PRKCB: variants seen among roughly 807,000 people sequenced by gnomAD.
The protein encoded by PRKCB is protein kinase C beta.
Under a neutral mutation model 81.5 loss-of-function variants are expected in PRKCB, and 13 were observed. The ratio of observed to expected loss-of-function variants is 0.16; its 90% CI spans 0.10 to 0.25. PRKCB has a LOEUF of 0.25. Ranked by LOEUF, PRKCB falls within the 10% of genes least tolerant of loss-of-function variation. The pLI, the probability that PRKCB is intolerant of heterozygous loss-of-function variation, is 1.00. For synonymous variants in PRKCB, 335 were observed against 321.4 expected, an observed-to-expected ratio of 1.04 and a Z score of -0.45; for missense variants, 509 against 875.7, an observed-to-expected ratio of 0.58 and a Z score of 5.29.
At chr16:24,055,803 G>C (rs1965896561) in intron 5 of PRKCB, among the ~76,000 whole-genome samples, 1 of 152,154 alleles carries the variant, frequency 6.6e-6, no homozygotes, top group African/African-American at 2.4e-5. Flanking sequence ...AGGGGTGTGT[G>C]GTGTGCAATG....
At chr16:24,117,780 C>T (rs1028545129) in intron 8 of PRKCB, among the ~76,000 whole-genome samples, 1 of 152,288 alleles carries the variant, frequency 6.6e-6, no homozygotes, top group East Asian at 1.9e-4. Context: ...AAGCAGACTA[C>T]TGCTGTGGGC....
chr16:24,105,333 C>T (rs1966561279), intron 7 of PRKCB, among the ~76,000 whole-genome samples: 1 of 152,078 alleles, frequency 6.6e-6, no homozygotes, highest in Non-Finnish European at 1.5e-5. Flanking sequence ...GCTGGGGTTA[C>T]AGGCGTGAGC....
chr16:23,918,485 C>A (rs1178796329), intron 2 of PRKCB, among the ~76,000 whole-genome samples: 1 of 152,060 alleles, frequency 6.6e-6, no homozygotes, highest in East Asian at 1.9e-4. Flanking sequence ...CAACCTCCAC[C>A]TCCTGGGCTC....
At chr16:24,055,239 G>A (rs948154688) in intron 5 of PRKCB, among the ~76,000 whole-genome samples, 3 of 152,212 alleles carry the variant, frequency 2.0e-5, no homozygotes, top group Non-Finnish European at 4.4e-5. Context: ...GGCAGAAGCT[G>A]ACTGCTCTGA....
intron 3 of PRKCB, among the ~76,000 whole-genome samples, chr16:24,009,226 C>T (rs904838243): frequency 3.3e-5 from 5 of 152,252 alleles, no homozygotes; most frequent in South Asian, 2.1e-4. Context: ...GGTGAGGGTG[C>T]TGAATCATAT....
chr16:24,181,650 C>T (rs954846404), intron 13 of PRKCB, among the ~76,000 whole-genome samples: 2 of 151,250 alleles, frequency 1.3e-5, no homozygotes, highest in Non-Finnish European at 2.9e-5. Flanking sequence ...GCCTGTAGTC[C>T]CAGCTACTTG....
chr16:24,012,237 G>A (rs1469907267), intron 3 of PRKCB, among the ~76,000 whole-genome samples: 1 of 152,198 alleles, frequency 6.6e-6, no homozygotes, highest in Non-Finnish European at 1.5e-5. Context: ...GCCACGTGCT[G>A]TTCTAAGTGA....
At chr16:23,846,079 C>T (rs1030851101) in intron 2 of PRKCB, among the ~76,000 whole-genome samples, 9 of 152,168 alleles carry the variant, frequency 5.9e-5, no homozygotes, top group Middle Eastern at 3.2e-3. Flanking sequence ...TTGGCTTAGG[C>T]AGTATTTTCT....
chr16:23,892,203 T>C (rs978077742), intron 2 of PRKCB, among the ~76,000 whole-genome samples: 1 of 148,824 alleles, frequency 6.7e-6, no homozygotes, highest in Non-Finnish European at 1.5e-5. Flanking sequence ...TTTTAATTGG[T>C]GATAGACAGA....
chr16:24,213,607 G>A (rs80200458), intron 16 of PRKCB, among the ~76,000 whole-genome samples: 17,855 of 152,200 alleles, frequency 0.12, 1,694 homozygotes, highest in African/African-American at 0.25. Context: ...AGTCATAATT[G>A]TTATTACTCC....
At chr16:23,966,847 C>G (rs1462715097) in intron 2 of PRKCB, among the ~76,000 whole-genome samples, 3 of 152,116 alleles carry the variant, frequency 2.0e-5, no homozygotes, top group Non-Finnish European at 2.9e-5. Context: ...TTCCCTGCCC[C>G]CTTGGAGTTG....
chr16:23,888,245 G>C (rs1466218189), intron 2 of PRKCB, among the ~76,000 whole-genome samples: 1 of 152,188 alleles, frequency 6.6e-6, no homozygotes, highest in Non-Finnish European at 1.5e-5. Flanking sequence ...CTGATACCAA[G>C]TGACTTTTGA....
intron 2 of PRKCB, among the ~76,000 whole-genome samples, chr16:23,928,920 T>C (rs1963934068): frequency 6.6e-6 from 1 of 152,002 alleles, no homozygotes; most frequent in Admixed American, 6.6e-5. Flanking sequence ...GGTTTTGCCA[T>C]GTTGGCCAGG....
At chr16:24,036,751 G>A (rs1965626942) in intron 5 of PRKCB, among the ~76,000 whole-genome samples, 1 of 152,134 alleles carries the variant, frequency 6.6e-6, no homozygotes, top group Non-Finnish European at 1.5e-5. Flanking sequence ...TGATGCTTGG[G>A]GGCCCCAGGG....
intron 16 of PRKCB, chr16:24,203,310 G>C (rs1442612245): frequency 1.3e-5 from 2 of 152,000 alleles, no homozygotes; most frequent in Non-Finnish European, 2.9e-5. Flanking sequence ...CATGGTTCTG[G>C]AGGGTGGGAA....
At chr16:24,013,108 C>G (rs1479810329) in intron 3 of PRKCB, among the ~76,000 whole-genome samples, 1 of 152,214 alleles carries the variant, frequency 6.6e-6, no homozygotes, top group Non-Finnish European at 1.5e-5. Flanking sequence ...CACGCTGGTC[C>G]TCTAGACTGC....
intron 2 of PRKCB, among the ~76,000 whole-genome samples, chr16:23,912,766 G>A (rs1567311610): frequency 6.6e-6 from 1 of 151,354 alleles, no homozygotes; most frequent in Non-Finnish European, 1.5e-5. Flanking sequence ...ACCCTCTTTG[G>A]CCTCCCAAAG....
At chr16:24,127,592 T>C (rs996115811) in intron 9 of PRKCB, among the ~76,000 whole-genome samples, 2 of 152,152 alleles carry the variant, frequency 1.3e-5, no homozygotes, top group Admixed American at 1.3e-4. Context: ...TGATGGAGGA[T>C]TGGAAGTTCT....
intron 2 of PRKCB, among the ~76,000 whole-genome samples, chr16:23,951,730 T>C (rs1964287786): frequency 6.6e-6 from 1 of 152,050 alleles, no homozygotes; most frequent in Non-Finnish European, 1.5e-5. Context: ...CTGTCTTTTT[T>C]TTTTTAATTA....
Sources: gnomAD v4.1 joint callset for allele counts (sites outside exome capture counted in the v4.1 genomes callset) on GRCh38, gnomAD v4.1.1 for gene constraint, MANE v1.5 for transcripts, NCBI Gene and HGNC (gene_info 2026-07-23, HGNC 2026-07-21) for gene names.